The following MACROD2 variants were observed in gnomAD, a reference collection of about 807,000 sequenced individuals.
The protein encoded by MACROD2 is ADP-ribose glycohydrolase MACROD2.
MACROD2 carries 36 observed loss-of-function variants against 70.4 expected under a neutral mutation model. That is an observed-to-expected ratio of 0.51 (90% CI 0.39 to 0.68). MACROD2 has a LOEUF of 0.68. Ranked by LOEUF, MACROD2 falls within the 30% of genes least tolerant of loss-of-function variation. MACROD2 has a pLI of 0.00. For missense variants in MACROD2, 496 were observed against 538.4 expected, an observed-to-expected ratio of 0.92 and a Z score of 0.78; for synonymous variants, 172 against 178.8, an observed-to-expected ratio of 0.96 and a Z score of 0.30.
chr20:14,500,952 G>A (rs971775789), intron 4 of MACROD2, among the ~76,000 whole-genome samples: 19 of 151,374 alleles, frequency 1.3e-4, no homozygotes, highest in Admixed American at 3.9e-4. Flanking sequence ...CTCTCATCCC[G>A]GATTCTCAAC....
intron 5 of MACROD2, among the ~76,000 whole-genome samples, chr20:14,862,049 A>T (rs867599416): frequency 0.11 from 1,192 of 10,962 alleles, 276 homozygotes; most frequent in African/African-American, 0.28. Flanking sequence ...TTATATATAT[A>T]TTTATATATA....
chr20:15,463,743 C>A (rs968034963), intron 7 of MACROD2, among the ~76,000 whole-genome samples: 3 of 152,026 alleles, frequency 2.0e-5, no homozygotes, highest in African/African-American at 7.2e-5. Flanking sequence ...AGCAAGACTC[C>A]ATCTCAAAAA....
chr20:15,194,485 T>C (rs2076592711), intron 5 of MACROD2, among the ~76,000 whole-genome samples: 1 of 152,036 alleles, frequency 6.6e-6, no homozygotes. Flanking sequence ...GTTGTAAAAA[T>C]AACGCAAACA....
At chr20:15,168,377 C>A (rs1013948976) in intron 5 of MACROD2, among the ~76,000 whole-genome samples, 1 of 151,840 alleles carries the variant, frequency 6.6e-6, no homozygotes, top group African/African-American at 2.4e-5. Flanking sequence ...AATACACTTT[C>A]TGTGCTGCCA....
At chr20:15,772,747 A>G (rs1013906233) in intron 8 of MACROD2, among the ~76,000 whole-genome samples, 2 of 152,150 alleles carry the variant, frequency 1.3e-5, no homozygotes, top group African/African-American at 2.4e-5. Flanking sequence ...TTGTAAAACC[A>G]TCAAATATTG....
intron 2 of MACROD2, among the ~76,000 whole-genome samples, chr20:14,069,718 T>C (rs2053813822): frequency 6.7e-6 from 1 of 148,410 alleles, no homozygotes; most frequent in Non-Finnish European, 1.5e-5. Context: ...ATGTGCTTAG[T>C]AAATGGGGCC....
intron 8 of MACROD2, among the ~76,000 whole-genome samples, chr20:15,569,036 C>T (rs563583258): frequency 1.3e-5 from 2 of 152,248 alleles, no homozygotes; most frequent in African/African-American, 4.8e-5. Context: ...TTGACCAGCA[C>T]GTGACTTCCC....
intron 5 of MACROD2, among the ~76,000 whole-genome samples, chr20:14,807,518 C>T (rs1406433336): frequency 6.6e-6 from 1 of 152,066 alleles, no homozygotes; most frequent in Non-Finnish European, 1.5e-5. Flanking sequence ...ATTCCAAAAA[C>T]CACAATGCCT....
At chr20:14,980,503 C>T (rs1234070897) in intron 5 of MACROD2, among the ~76,000 whole-genome samples, 1 of 152,144 alleles carries the variant, frequency 6.6e-6, no homozygotes, top group Non-Finnish European at 1.5e-5. Context: ...CCATTACAAA[C>T]AACAGAAAAC....
At chr20:15,060,474 G>A (rs381064) in intron 5 of MACROD2, among the ~76,000 whole-genome samples, 39,147 of 152,036 alleles carry the variant, frequency 0.26, 5,703 homozygotes, top group Non-Finnish European at 0.34. Flanking sequence ...CAGCCTCGGG[G>A]CATTTCCCTC....
chr20:14,670,405 G>T (rs1262281912), intron 4 of MACROD2, among the ~76,000 whole-genome samples: 1 of 152,054 alleles, frequency 6.6e-6, no homozygotes, highest in Non-Finnish European at 1.5e-5. Flanking sequence ...CACATTCTAG[G>T]TTTTTCCAGC....
chr20:14,264,911 G>A (rs1026171073), intron 3 of MACROD2, among the ~76,000 whole-genome samples: 4 of 152,196 alleles, frequency 2.6e-5, no homozygotes, highest in African/African-American at 9.6e-5. Context: ...ACTGAATTTT[G>A]TTGAGGGGCA....
At chr20:14,100,453 A>AT (rs1300154171) in intron 3 of MACROD2, among the ~76,000 whole-genome samples, 1 of 149,870 alleles carries the variant, frequency 6.7e-6, no homozygotes, top group East Asian at 2.0e-4. Context: ...TATCACATTA[A>AT]TTTTTTTCCA....
chr20:14,692,179 G>C (rs190046904), intron 5 of MACROD2, among the ~76,000 whole-genome samples: 46 of 152,260 alleles, frequency 3.0e-4, no homozygotes, highest in Admixed American at 2.9e-3. Context: ...CACACCTACT[G>C]ATTCAGAAAC....
intron 10 of MACROD2, among the ~76,000 whole-genome samples, chr20:15,895,611 TG>T (rs1454826390): frequency 6.6e-6 from 1 of 152,170 alleles, no homozygotes; most frequent in East Asian, 1.9e-4. Flanking sequence ...GGGGTTTTCC[TG>T]GGGGCTTTCA....
intron 4 of MACROD2, among the ~76,000 whole-genome samples, chr20:14,626,585 C>T (rs1984181936): frequency 6.6e-6 from 1 of 152,100 alleles, no homozygotes; most frequent in African/African-American, 2.4e-5. Context: ...AATGCTGCCA[C>T]AAGAAGGCGT....
rs140671337 is a variant in MACROD2, at chr20:15,387,569, T to C, written c.541-43836T>C. 2.3e-3 allele frequency among the ~76,000 whole-genome samples: 356 copies of C among 151,734 alleles called. 2 individuals are homozygous for C. Among genetic ancestry groups the C allele is most frequent in the African/African-American group, 8.1e-3 (333 of 41,320 alleles). ...TCTCAATTACATCTTTCTTCTCTTT[T>C]TTCTCCCCACTTCCTTCCATAAAGG... On this transcript the variant is annotated intron_variant, in intron 6 of 17. Coordinates refer to ENST00000684519, the MANE Select transcript of MACROD2 (RefSeq NM_001351661.2).
At chr20:15,181,309 A>G (rs1340238967) in intron 5 of MACROD2, among the ~76,000 whole-genome samples, 1 of 152,240 alleles carries the variant, frequency 6.6e-6, no homozygotes, top group African/African-American at 2.4e-5. Flanking sequence ...TCAAGGGTCA[A>G]CTGTATTTGC....
intron 8 of MACROD2, among the ~76,000 whole-genome samples, chr20:15,695,490 C>A (rs1023038079): frequency 6.6e-6 from 1 of 151,034 alleles, no homozygotes; most frequent in Non-Finnish European, 1.5e-5. Context: ...CTCACTGCAA[C>A]TCCTCCATCT....
Sources: gnomAD v4.1 joint callset for allele counts (sites outside exome capture counted in the v4.1 genomes callset) on GRCh38, gnomAD v4.1.1 for gene constraint, MANE v1.5 for transcripts, NCBI Gene and HGNC (gene_info 2026-07-23, HGNC 2026-07-21) for gene names.